Variants in RHPN2 observed in about 807,000 individuals in gnomAD.
RHPN2 encodes the protein rhophilin-2.
RHPN2 carries 40 observed loss-of-function variants against 79.0 expected under a neutral mutation model. The observed-to-expected ratio is 0.51, with a 90% CI of 0.39 to 0.66. The LOEUF (loss-of-function observed/expected upper bound fraction) is 0.66, where lower values mean the gene tolerates loss of function less well. Among genes scored for constraint, RHPN2 ranks in the 30% least tolerant of loss-of-function variants. The pLI is 0.00. For synonymous variants in RHPN2, 285 were observed against 363.5 expected (o/e 0.78, Z 2.46); for missense variants, 686 against 883.5 (o/e 0.78, Z 2.83).
In RHPN2 at chr19:33,011,704, G is replaced by A. The variant is rs752092520; in HGVS notation, c.568C>T (p.Arg190Trp). ...FVESRFFPPT[R>W]QMGLLFTWYD... The stretch of plus-strand genomic sequence containing the variant: ...CAGGTGAACAGGAGTCCCATCTGCC[G>A]TGTGGGCGGGAAGAATCGACTCTCG... Residue 190 changes from arginine (R) to tryptophan (W), a missense_variant, in exon 6 of 15, where the codon CGG becomes TGG. Coordinates refer to ENST00000254260, the MANE Select transcript of RHPN2 (RefSeq NM_033103.5). 83 of 1,613,812 alleles carry A rather than the reference G, an allele frequency of 5.1e-5. No individual in the cohort carries two copies. Among genetic ancestry groups the A allele is most frequent in the Admixed American group, 1.3e-4 (8 of 59,968 alleles).
intron 2 of RHPN2, among the ~76,000 whole-genome samples, chr19:33,034,802 A>C (rs1198556202): frequency 6.6e-6 from 1 of 150,570 alleles, no homozygotes; most frequent in Admixed American, 6.6e-5. Context: ...AAAAAAAAAA[A>C]AAGATTTACA....
At chr19:33,007,704 C>T (rs527804715) in intron 7 of RHPN2, among the ~76,000 whole-genome samples, 3 of 151,512 alleles carry the variant, frequency 2.0e-5, no homozygotes, top group African/African-American at 7.3e-5. Flanking sequence ...CAGGATTCAC[C>T]ATGTACATCA....
intron 1 of RHPN2, among the ~76,000 whole-genome samples, chr19:33,047,116 C>T (rs1350420513): frequency 6.6e-6 from 1 of 152,170 alleles, no homozygotes; most frequent in African/African-American, 2.4e-5. Context: ...CCATCTTGGC[C>T]TCCCAAAGTG....
intron 1 of RHPN2, among the ~76,000 whole-genome samples, chr19:33,058,536 C>T (rs1035195446): frequency 1.3e-5 from 2 of 152,118 alleles, no homozygotes; most frequent in African/African-American, 2.4e-5. Context: ...AATCCCAGCA[C>T]TTTGGGAGGC....
intron 2 of RHPN2, among the ~76,000 whole-genome samples, chr19:33,038,283 C>A (rs1202579209): frequency 1.4e-5 from 2 of 143,652 alleles, no homozygotes; most frequent in African/African-American, 2.6e-5. Flanking sequence ...CAGGAGGCAA[C>A]AGAGCGAGAC....
At chr19:33,055,985 T>A (rs528685043) in intron 1 of RHPN2, among the ~76,000 whole-genome samples, 1 of 152,058 alleles carries the variant, frequency 6.6e-6, no homozygotes, top group African/African-American at 2.4e-5. Context: ...TGACAATGCC[T>A]CACTGTGTAC....
Position 33,012,631 on chromosome 19 carries a change from G to A in RHPN2, c.468+16C>T, listed in dbSNP as rs762224904. On this transcript the variant is annotated intron_variant, in intron 5 of 14. Transcript: ENST00000254260. The stretch of plus-strand genomic sequence containing the variant: ...GAAAAGCCACCCTCCCCTCTCTGCT[G>A]CACACAAAAACTTACTTGTCTCAGA... 16 of 1,553,772 alleles carry A rather than the reference G, an allele frequency of 1.0e-5. No homozygotes were observed. Among genetic ancestry groups the A allele is most frequent in the South Asian group, 7.8e-5 (7 of 89,828 alleles).
intron 1 of RHPN2, among the ~76,000 whole-genome samples, chr19:33,054,796 G>A (rs931933449): frequency 6.6e-6 from 1 of 152,226 alleles, no homozygotes; most frequent in African/African-American, 2.4e-5. Flanking sequence ...TAAAGCCAAC[G>A]CCCAGTAGCA....
intron 2 of RHPN2, among the ~76,000 whole-genome samples, chr19:33,028,507 A>G (rs541640660): frequency 1.3e-5 from 2 of 152,332 alleles, no homozygotes; most frequent in Admixed American, 6.5e-5. Context: ...TGAGAAAACC[A>G]TTCCATTCAC....
chr19:33,046,509 C>CGCTTG (rs1306025077), intron 1 of RHPN2, among the ~76,000 whole-genome samples: 9 of 152,036 alleles, frequency 5.9e-5, no homozygotes, highest in African/African-American at 2.2e-4. Context: ...TCAAGTGATC[C>CGCTTG]GCTTGGCTTG....
chr19:33,007,115 C>G (rs1276772973), intron 7 of RHPN2, among the ~76,000 whole-genome samples: 3 of 152,090 alleles, frequency 2.0e-5, no homozygotes, highest in Non-Finnish European at 4.4e-5. Context: ...TATGAGACAT[C>G]CTTTGAATGC....
At chr19:33,027,093 T>A (rs1029606873) in intron 2 of RHPN2, 16 of 262,990 alleles carry the variant, frequency 6.1e-5, no homozygotes, top group Middle Eastern at 1.4e-3. Context: ...ACTCTGTCTC[T>A]ACTAAAAAAT....
rs192038567 is a variant in RHPN2, at chr19:33,046,587, A to G, written c.70-2223T>C. 5.8e-3 allele frequency among the ~76,000 whole-genome samples: 884 copies of G among 152,164 alleles called. 5 individuals carry two copies. The highest frequency in any genetic ancestry group is 0.02 in the African/African-American group (848 of 41,538). On this transcript the variant is annotated intron_variant, in intron 1 of 14. Coordinates refer to ENST00000254260, the MANE Select transcript of RHPN2 (RefSeq NM_033103.5). Reference sequence around the variant, plus strand: ...CGGTCTAGATCATATGATTTATTCTATGTTTAATGATTTGAGGAACTATCA... The same window carrying G: ...CGGTCTAGATCATATGATTTATTCTGTGTTTAATGATTTGAGGAACTATCA...
intron 7 of RHPN2, among the ~76,000 whole-genome samples, chr19:33,007,666 C>A (rs548211068): frequency 6.6e-6 from 1 of 152,022 alleles, no homozygotes; most frequent in South Asian, 2.1e-4. Context: ...ATCCCAGGGG[C>A]CACTTGTCTG....
In RHPN2 at chr19:33,064,706, C is replaced by T. The variant is rs925902187; in HGVS notation, c.69+78G>A. On this transcript the variant is annotated intron_variant, in intron 1 of 14. Transcript: ENST00000254260. Reference sequence around the variant, plus strand: ...GCCTAGTGGACCCCGACTGCGCGCTCCCACGGCCCCTGCAGGGCCCGGGGG... The same window carrying T: ...GCCTAGTGGACCCCGACTGCGCGCTTCCACGGCCCCTGCAGGGCCCGGGGG... 8.6e-5 allele frequency: 124 copies of T among 1,447,436 alleles called. No homozygotes were observed. The Admixed American group carries it at 2.6e-3, about 30-fold the overall frequency. 89.7% of individuals were successfully genotyped at this position (1,447,436 alleles called of 1,614,324 possible).
chr19:32,980,334 GC>G, intron 14 of RHPN2, 78 bp from the exon 15 acceptor site: 1 of 1,551,076 alleles, frequency 6.4e-7, no homozygotes, highest in Non-Finnish European at 8.9e-7. Context: ...TTGGCCAGGC[GC>G]GGTGGCTCAC....
chr19:33,014,386 G>GC lies in RHPN2; in HGVS notation c.391-1663dup, dbSNP rs1170805371. ...AATGGTGCAATCATAGCTCACTGCA[G>GC]CCTTGAACTCCCGGGCTCAAGTCAT... On this transcript the variant is annotated intron_variant, in intron 4 of 14. Coordinates refer to ENST00000254260, the MANE Select transcript of RHPN2 (RefSeq NM_033103.5). Among the ~76,000 whole-genome samples the GC allele has an allele frequency of 5.3e-5, 8 of 152,154 alleles. No homozygotes were observed. The South Asian group carries it at 1.7e-3, about 32-fold the overall frequency.
chr19:32,983,055 T>TACACACACACACACACACACACACACAC (rs57230466), intron 14 of RHPN2, among the ~76,000 whole-genome samples: 4 of 103,438 alleles, frequency 3.9e-5, no homozygotes, highest in Admixed American at 1.1e-4. Flanking sequence ...CCCAGATCTC[T>TACACACACACACACACACACACACACAC]ACACACACAC....
intron 11 of RHPN2, among the ~76,000 whole-genome samples, chr19:32,994,453 T>A (rs1445413177): frequency 2.0e-5 from 3 of 151,936 alleles, no homozygotes; most frequent in Non-Finnish European, 4.4e-5. Flanking sequence ...TAGTCACACA[T>A]CCTTCCCCTC....
Sources: gnomAD v4.1 joint callset for allele counts (sites outside exome capture counted in the v4.1 genomes callset) on GRCh38, gnomAD v4.1.1 for gene constraint, MANE v1.5 for transcripts, NCBI Gene and HGNC (gene_info 2026-07-23, HGNC 2026-07-21) for gene names.